Variants in ADCY7 observed in about 807,000 individuals in gnomAD.
ADCY7 encodes adenylate cyclase type 7.
In ADCY7, 72 loss-of-function variants were observed where a neutral mutation model predicts 120.6. That is an observed-to-expected ratio of 0.60 (90% CI 0.49 to 0.73). The LOEUF (loss-of-function observed/expected upper bound fraction) is 0.73, where lower values mean the gene tolerates loss of function less well. Ranked by LOEUF, ADCY7 falls within the 30% of genes least tolerant of loss-of-function variation. The pLI is 0.00. For missense variants in ADCY7, 1,227 were observed against 1,486.0 expected, an observed-to-expected ratio of 0.83 and a Z score of 2.87; for synonymous variants, 661 against 628.0, an observed-to-expected ratio of 1.05 and a Z score of -0.78.
At chr16:50,287,318 T>C (rs1299568936) in intron 1 of ADCY7, among the ~76,000 whole-genome samples, 1 of 149,888 alleles carries the variant, frequency 6.7e-6, no homozygotes, top group East Asian at 2.0e-4. Context: ...CCTGGCTGGC[T>C]GTTGAGTATT....
At chr16:50,287,479 C>T (rs979655142) in intron 1 of ADCY7, among the ~76,000 whole-genome samples, 12 of 151,610 alleles carry the variant, frequency 7.9e-5, no homozygotes, top group Non-Finnish European at 1.5e-4. Flanking sequence ...CTTGAGCCCA[C>T]GAGTTCAAAA....
intron 8 of ADCY7, 30 bp from the exon 9 acceptor site, chr16:50,300,685 G>T (rs2151017743): frequency 1.3e-6 from 2 of 1,550,434 alleles, no homozygotes; most frequent in East Asian, 4.9e-5. Flanking sequence ...GCTTAGGCAG[G>T]GCTGGGGTGA....
chr16:50,310,614 T>C, intron 18 of ADCY7, 73 bp from the exon 19 acceptor site: 1 of 1,603,718 alleles, frequency 6.2e-7, no homozygotes, highest in Non-Finnish European at 8.5e-7. Flanking sequence ...TGGGGCTCTG[T>C]GGTATGTGCT....
chr16:50,255,320 T>C (rs1179601993), intron 1 of ADCY7, among the ~76,000 whole-genome samples: 1 of 147,822 alleles, frequency 6.8e-6, no homozygotes, highest in East Asian at 1.9e-4. Flanking sequence ...TTATAATTTC[T>C]TTTTTATAGA....
chr16:50,255,441 C>T (rs908442555), intron 1 of ADCY7, among the ~76,000 whole-genome samples: 2 of 130,114 alleles, frequency 1.5e-5, no homozygotes, highest in African/African-American at 5.9e-5. Flanking sequence ...ACCAATGGAA[C>T]AGGATAGAGA....
chr16:50,251,208 C>T (rs1448220262), intron 1 of ADCY7, among the ~76,000 whole-genome samples: 1 of 150,698 alleles, frequency 6.6e-6, no homozygotes, highest in Non-Finnish European at 1.5e-5. Flanking sequence ...CTACTGCCCA[C>T]TAGTTTGGGT....
At chr16:50,289,746 G>A (rs920004561) in intron 2 of ADCY7, among the ~76,000 whole-genome samples, 3 of 152,234 alleles carry the variant, frequency 2.0e-5, no homozygotes, top group East Asian at 3.8e-4. Context: ...GATTATAGGC[G>A]TGAGCCACCA....
Position 50,297,786 on chromosome 16 carries a change from G to T in ADCY7, c.949-1118G>T, listed in dbSNP as rs892679966. ...CAGGCCTAGCCCTCGTGAGCCTGCA[G>T]GACAGAGCCCTCTTAGCTCCCTCCT... On this transcript the variant is annotated intron_variant, in intron 7 of 25. Coordinates refer to ENST00000673801, the MANE Select transcript of ADCY7 (RefSeq NM_001114.5). The surrounding 1 kb of genome is among the most constrained non-coding windows in gnomAD (Gnocchi z 4.4). Among the ~76,000 whole-genome samples, 3 of 152,218 alleles carry T rather than the reference G, an allele frequency of 2.0e-5. No individual in the cohort carries two copies. Among genetic ancestry groups the T allele is most frequent in the South Asian group, 4.1e-4 (2 of 4,832 alleles).
chr16:50,295,504 T>C (rs1188834332), intron 7 of ADCY7, among the ~76,000 whole-genome samples: 1 of 151,810 alleles, frequency 6.6e-6, no homozygotes, highest in Non-Finnish European at 1.5e-5. Flanking sequence ...CACCTTAAAG[T>C]CTGAGATACT....
chr16:50,288,917 CCTCCTG>C (rs1161848902), intron 2 of ADCY7, among the ~76,000 whole-genome samples: 1 of 152,134 alleles, frequency 6.6e-6, no homozygotes, highest in Admixed American at 6.6e-5. Flanking sequence ...CCTGGCTTAT[CCTCCTG>C]AGTAGCTGGG....
At chr16:50,280,982 G>A (rs182249569) in intron 1 of ADCY7, among the ~76,000 whole-genome samples, 17 of 152,280 alleles carry the variant, frequency 1.1e-4, no homozygotes, top group Admixed American at 3.3e-4. Flanking sequence ...GGGCTATGGA[G>A]GGGGAGCAGG....
At chr16:50,277,762 C>A (rs1290999626) in intron 1 of ADCY7, among the ~76,000 whole-genome samples, 1 of 151,474 alleles carries the variant, frequency 6.6e-6, no homozygotes. Context: ...GCTCTGCCTC[C>A]CAGTTTCACG....
intron 18 of ADCY7, chr16:50,310,436 G>A (rs1567579364): frequency 6.5e-7 from 1 of 1,534,684 alleles, no homozygotes; most frequent in Admixed American, 2.0e-5. Context: ...CCTTGACTGT[G>A]GTCTGTTGTA....
intron 7 of ADCY7, 75 bp downstream of exon 7, chr16:50,294,826 C>G: frequency 9.8e-7 from 1 of 1,015,866 alleles, no homozygotes; most frequent in South Asian, 1.5e-5. Context: ...GTCCTGTGTT[C>G]AGTGCCCTGC....
chr16:50,301,251 G>A (rs377417925), intron 10 of ADCY7, 37 bp downstream of exon 10: 21 of 1,547,100 alleles, frequency 1.4e-5, no homozygotes, highest in East Asian at 9.7e-5. Flanking sequence ...GGGGGGACCC[G>A]GAGGGACTGG....
chr16:50,253,975 GTCTC>G lies in ADCY7; in HGVS notation c.-64+7778_-64+7781del, dbSNP rs999799163. 6.6e-5 allele frequency among the ~76,000 whole-genome samples: 10 copies of G among 152,098 alleles called. No homozygotes were observed. The East Asian group carries it at 1.3e-3, about 20-fold the overall frequency. On this transcript the variant is annotated intron_variant, in intron 1 of 4. Coordinates refer to the ADCY7 transcript ENST00000564044. ...TGTGTCTGTCTATCTGTCTGTCTCT[GTCTC>G]TCTCTGTCTGTCTCTCTCCAGTCAG...
At chr16:50,253,698 G>T (rs1346596612) in intron 1 of ADCY7, among the ~76,000 whole-genome samples, 1 of 152,140 alleles carries the variant, frequency 6.6e-6, no homozygotes, top group Non-Finnish European at 1.5e-5. Context: ...AGACAGGGAG[G>T]GGCTCCGGGG....
intron 20 of ADCY7, 42 bp from the exon 21 acceptor site, chr16:50,311,994 A>G: frequency 6.2e-7 from 1 of 1,611,032 alleles, no homozygotes. Context: ...CACGGCTCCC[A>G]CTTGCCTGTG....
chr16:50,277,864 G>T (rs1054459389), intron 1 of ADCY7, among the ~76,000 whole-genome samples: 3 of 151,824 alleles, frequency 2.0e-5, no homozygotes, highest in African/African-American at 7.3e-5. Flanking sequence ...TAGAGATGGG[G>T]TTTCACCGTG....
Sources: gnomAD v4.1 joint callset for allele counts (sites outside exome capture counted in the v4.1 genomes callset) on GRCh38, gnomAD v4.1.1 for gene constraint, Gnocchi (gnomAD v3.1) non-coding constraint, MANE v1.5 for transcripts, NCBI Gene and HGNC (gene_info 2026-07-23, HGNC 2026-07-21) for gene names.